ADK: variants seen among roughly 807,000 people sequenced by gnomAD.
ADK encodes N6,N6-dimethyladenosine kinase.
A neutral mutation model predicts 44.7 loss-of-function variants in ADK; 24 were observed. The observed-to-expected ratio is 0.54, with a 90% confidence interval of 0.39 to 0.76. The LOEUF is 0.76. ADK is among the 30% of genes least tolerant of loss of function. The pLI, the probability that ADK is intolerant of heterozygous loss-of-function variation, is 0.00. For synonymous variants in ADK, 128 were observed against 142.6 expected (o/e 0.90, Z 0.73); for missense variants, 321 against 425.1 (o/e 0.76, Z 2.15).
At chr10:74,575,867 A>C (rs1350083921) in intron 7 of ADK, among the ~76,000 whole-genome samples, 4 of 152,222 alleles carry the variant, frequency 2.6e-5, no homozygotes, top group Non-Finnish European at 4.4e-5. Flanking sequence ...AAGAGACTAC[A>C]ACAATAACCT....
chr10:74,230,838 C>T (rs1379124260), intron 3 of ADK, among the ~76,000 whole-genome samples: 4 of 152,022 alleles, frequency 2.6e-5, no homozygotes, highest in African/African-American at 4.8e-5. Context: ...CCTGCCACCA[C>T]GTCTGGCTAA....
intron 6 of ADK, among the ~76,000 whole-genome samples, chr10:74,505,363 C>T (rs1848027715): frequency 6.6e-6 from 1 of 152,100 alleles, no homozygotes. Context: ...GTTTCTGGCA[C>T]TACTTATTCT....
At chr10:74,451,426 T>C (rs1251534560) in intron 6 of ADK, among the ~76,000 whole-genome samples, 1 of 152,160 alleles carries the variant, frequency 6.6e-6, no homozygotes, top group African/African-American at 2.4e-5. Context: ...ATTTGCTGAG[T>C]TCTTTCCTAG....
intron 1 of ADK, among the ~76,000 whole-genome samples, chr10:74,179,649 G>C (rs988223421): frequency 3.9e-5 from 6 of 152,164 alleles, no homozygotes; most frequent in African/African-American, 1.4e-4. Context: ...CTAAAAAGGT[G>C]AGAGACCTTC....
chr10:74,480,421 TTTGG>T (rs1392781562), intron 6 of ADK, among the ~76,000 whole-genome samples: 1 of 151,776 alleles, frequency 6.6e-6, no homozygotes, highest in Non-Finnish European at 1.5e-5. Flanking sequence ...TGTTTATTTG[TTTGG>T]TTGGTTGGTT....
At chr10:74,518,749 CA>C (rs1470864056) in intron 6 of ADK, among the ~76,000 whole-genome samples, 1 of 152,062 alleles carries the variant, frequency 6.6e-6, no homozygotes, top group African/African-American at 2.4e-5. Flanking sequence ...TTTTGAAAAA[CA>C]AAGAAAATAT....
chr10:74,573,782 G>A (rs902287384), intron 7 of ADK, among the ~76,000 whole-genome samples: 5 of 152,192 alleles, frequency 3.3e-5, no homozygotes, highest in African/African-American at 9.7e-5. Context: ...CAATCAGCGA[G>A]ACTCCATGGG....
At chr10:74,638,831 GTCTC>G (rs1464389591) in intron 9 of ADK, among the ~76,000 whole-genome samples, 1 of 151,962 alleles carries the variant, frequency 6.6e-6, no homozygotes, top group African/African-American at 2.4e-5. Flanking sequence ...TTGAGACAGG[GTCTC>G]TCTCTGTTGC....
chr10:74,348,733 T>C (rs537519334), intron 4 of ADK, among the ~76,000 whole-genome samples: 1 of 151,634 alleles, frequency 6.6e-6, no homozygotes, highest in South Asian at 2.1e-4. Context: ...CTGATGGGGC[T>C]GAAAAACACA....
intron 1 of ADK, among the ~76,000 whole-genome samples, chr10:74,188,491 G>A (rs190154248): frequency 2.2e-4 from 33 of 151,256 alleles, no homozygotes; most frequent in South Asian, 1.7e-3. Flanking sequence ...AGGGACTACC[G>A]GCACCCGCCA....
intron 4 of ADK, among the ~76,000 whole-genome samples, chr10:74,350,229 G>A (rs1305047680): frequency 6.6e-6 from 1 of 152,158 alleles, no homozygotes; most frequent in Non-Finnish European, 1.5e-5. Context: ...TCAGACCACA[G>A]TGCAATCAAA....
chr10:74,674,199 A>G (rs550581420), intron 10 of ADK, among the ~76,000 whole-genome samples: 1 of 152,202 alleles, frequency 6.6e-6, no homozygotes, highest in African/African-American at 2.4e-5. Flanking sequence ...TCCTGTCCCT[A>G]TCAATAGCAC....
At chr10:74,324,784 A>C (rs1592048879) in intron 4 of ADK, among the ~76,000 whole-genome samples, 1 of 152,218 alleles carries the variant, frequency 6.6e-6, no homozygotes, top group Non-Finnish European at 1.5e-5. Context: ...TTGCTGGATC[A>C]CATGTTGTAC....
At chr10:74,349,055 T>C (rs1166633836) in intron 4 of ADK, among the ~76,000 whole-genome samples, 1 of 151,702 alleles carries the variant, frequency 6.6e-6, no homozygotes, top group Non-Finnish European at 1.5e-5. Context: ...ATTTGGGAAA[T>C]ATGGAGAACA....
At chr10:74,163,610 G>C (rs1841958209) in intron 1 of ADK, among the ~76,000 whole-genome samples, 1 of 152,158 alleles carries the variant, frequency 6.6e-6, no homozygotes, top group Non-Finnish European at 1.5e-5. Context: ...GACTCATCTA[G>C]GAGGGGTCAC....
chr10:74,483,033 C>T (rs1589156435), intron 6 of ADK, among the ~76,000 whole-genome samples: 1 of 152,162 alleles, frequency 6.6e-6, no homozygotes, highest in African/African-American at 2.4e-5. Context: ...GGCAGTTTCC[C>T]AGTGGGGACT....
chr10:74,375,482 A>G (rs1296959474), intron 4 of ADK, among the ~76,000 whole-genome samples: 1 of 152,210 alleles, frequency 6.6e-6, no homozygotes, highest in African/African-American at 2.4e-5. Context: ...GACTCTCCAG[A>G]GATGTGGATA....
chr10:74,669,872 T>G (rs1855106534), intron 9 of ADK, among the ~76,000 whole-genome samples: 1 of 152,202 alleles, frequency 6.6e-6, no homozygotes, highest in African/African-American at 2.4e-5. Flanking sequence ...GTTTATGGCT[T>G]CTGTTCATTT....
At chr10:74,332,681 A>G (rs1484758675) in intron 4 of ADK, among the ~76,000 whole-genome samples, 3 of 152,234 alleles carry the variant, frequency 2.0e-5, no homozygotes, top group Non-Finnish European at 4.4e-5. Flanking sequence ...CATAATGAAC[A>G]AAATATTGCA....
Sources: allele counts gnomAD v4.1 joint callset (sites outside exome capture counted in the v4.1 genomes callset), GRCh38; gene constraint gnomAD v4.1.1; transcripts MANE v1.5; gene names NCBI Gene and HGNC (gene_info 2026-07-23, HGNC 2026-07-21).